The following PTPN14 variants were observed in gnomAD, a reference collection of about 807,000 sequenced individuals.
PTPN14 encodes tyrosine-protein phosphatase non-receptor type 14.
PTPN14 carries 53 observed loss-of-function variants against 126.8 expected under a neutral mutation model. The ratio of observed to expected loss-of-function variants is 0.42; its 90% CI spans 0.34 to 0.53. The LOEUF is 0.53. Among genes scored for constraint, PTPN14 ranks in the 20% least tolerant of loss-of-function variants. The pLI, the probability that PTPN14 is intolerant of heterozygous loss-of-function variation, is 0.08. For missense variants in PTPN14, 1,257 were observed against 1,552.9 expected (o/e 0.81, Z 3.20); for synonymous variants, 630 against 599.3 (o/e 1.05, Z -0.75).
At position 214,357,985 on chromosome 1, in the gene PTPN14, G is replaced by C; in HGVS notation, c.3501C>G (p.Ile1167Met). The change falls in exon 19 of 19, where the codon ATC becomes ATG. Residue 1167 changes from isoleucine to methionine, a missense_variant. Around this residue, in one of 3 missense-constraint regions of PTPN14, gnomAD observed 171 missense variants for 229.8 expected, o/e 0.74. Coordinates refer to ENST00000366956, the MANE Select transcript of PTPN14 (RefSeq NM_005401.5). ...CTTGGTAGACAAACTTGTACTGAGCGATAGTCTGGATCATGAACATCCTCT... is the reference window on the plus strand; with the variant it reads ...CTTGGTAGACAAACTTGTACTGAGCCATAGTCTGGATCATGAACATCCTCT... ...REQRMFMIQT[I>M]AQYKFVYQVL... 8 of 1,613,342 alleles carry C rather than the reference G, an allele frequency of 5.0e-6. No individual in the cohort carries two copies. The highest frequency in any genetic ancestry group is 6.8e-6 in the Non-Finnish European group (8 of 1,179,470).
At chr1:214,523,356 C>T (rs192127731) in intron 1 of PTPN14, among the ~76,000 whole-genome samples, 4 of 152,284 alleles carry the variant, frequency 2.6e-5, no homozygotes, top group Admixed American at 6.5e-5. Flanking sequence ...GGACCACATA[C>T]ACGACAGTAG....
chr1:214,531,055 G>A (rs952784101), intron 1 of PTPN14: 3 of 151,996 alleles, frequency 2.0e-5, no homozygotes, highest in African/African-American at 7.3e-5. Flanking sequence ...GAATTCCAGG[G>A]AGACTCATAT....
chr1:214,463,966 C>G (rs938352619), intron 2 of PTPN14, among the ~76,000 whole-genome samples: 4 of 152,150 alleles, frequency 2.6e-5, no homozygotes, highest in African/African-American at 9.7e-5. Flanking sequence ...CTGTCAAAAA[C>G]AACATACTGC....
chr1:214,515,099 G>A (rs1482461651), intron 1 of PTPN14, among the ~76,000 whole-genome samples: 1 of 152,162 alleles, frequency 6.6e-6, no homozygotes, highest in Non-Finnish European at 1.5e-5. Context: ...AGAGCCCAGG[G>A]AATGGCAGCT....
In PTPN14 at chr1:214,491,282, C is replaced by T. The variant is rs142549674; in HGVS notation, c.-154-26325G>A. On this transcript the variant is annotated intron_variant, in intron 1 of 18. Coordinates refer to ENST00000366956, the MANE Select transcript of PTPN14 (RefSeq NM_005401.5). ...AATGCTGCAATGTAATGTTAGTTCA[C>T]AGGTAAAACTGCTGTGTATGAGCTC... Among the ~76,000 whole-genome samples, 678 of 152,260 alleles carry T rather than the reference C, an allele frequency of 4.5e-3. 4 individuals carry two copies. Among genetic ancestry groups the T allele is most frequent in the African/African-American group, 0.015 (629 of 41,558 alleles).
At chr1:214,411,893 T>C (rs1003339027) in intron 4 of PTPN14, 142 bp from the exon 5 acceptor site, 1 of 496,854 alleles carries the variant, frequency 2.0e-6, no homozygotes, top group East Asian at 3.5e-5. Context: ...TGCCAAGATA[T>C]GTTTGACATA....
intron 1 of PTPN14, chr1:214,533,173 C>CT: frequency 1.3e-6 from 1 of 761,220 alleles, no homozygotes; most frequent in Non-Finnish European, 2.3e-6. Context: ...CCGCTACACC[C>CT]TGCAGATGGA....
chr1:214,459,680 G>A (rs1325696819), intron 2 of PTPN14, among the ~76,000 whole-genome samples: 1 of 151,320 alleles, frequency 6.6e-6, no homozygotes, highest in Non-Finnish European at 1.5e-5. Flanking sequence ...TGTTGGCCAG[G>A]ATGGACTCGA....
chr1:214,515,448 A>G (rs1039301403), intron 1 of PTPN14, among the ~76,000 whole-genome samples: 4 of 152,018 alleles, frequency 2.6e-5, no homozygotes, highest in Non-Finnish European at 4.4e-5. Context: ...CTAAGGGTAT[A>G]TTGTAATTCT....
intron 3 of PTPN14, among the ~76,000 whole-genome samples, chr1:214,431,670 C>A (rs1659800058): frequency 6.6e-6 from 1 of 152,192 alleles, no homozygotes; most frequent in African/African-American, 2.4e-5. Flanking sequence ...TGGAGCTACA[C>A]TGTGTAGGCT....
At chr1:214,539,690 G>A (rs969809324) in intron 1 of PTPN14, among the ~76,000 whole-genome samples, 1 of 152,124 alleles carries the variant, frequency 6.6e-6, no homozygotes, top group Middle Eastern at 3.4e-3. Context: ...GAGTGAGAAA[G>A]GCAATAAAGA....
At chr1:214,385,225 T>C (rs1658579541) in intron 12 of PTPN14, among the ~76,000 whole-genome samples, 3 of 152,154 alleles carry the variant, frequency 2.0e-5, no homozygotes, top group African/African-American at 7.2e-5. Context: ...TCAGAGCTGC[T>C]CTTCCTGACG....
At chr1:214,534,670 G>A (rs1050882871) in intron 1 of PTPN14, among the ~76,000 whole-genome samples, 1 of 150,972 alleles carries the variant, frequency 6.6e-6, no homozygotes, top group Non-Finnish European at 1.5e-5. Flanking sequence ...CCAAGACCGC[G>A]CCACTGCACT....
intron 3 of PTPN14, among the ~76,000 whole-genome samples, chr1:214,443,153 TC>T (rs1660072391): frequency 1.3e-5 from 2 of 152,334 alleles, no homozygotes; most frequent in Non-Finnish European, 2.9e-5. Context: ...CATATCTTTT[TC>T]TTAAGAGCAA....
At chr1:214,477,289 T>C (rs542700929) in intron 1 of PTPN14, among the ~76,000 whole-genome samples, 2 of 152,324 alleles carry the variant, frequency 1.3e-5, no homozygotes, top group South Asian at 4.1e-4. Context: ...TGTTAATTAC[T>C]AACAGGGAAA....
At chr1:214,423,469 CT>C (rs1659590229) in intron 3 of PTPN14, among the ~76,000 whole-genome samples, 1 of 152,212 alleles carries the variant, frequency 6.6e-6, no homozygotes, top group Non-Finnish European at 1.5e-5. Context: ...ATCTCTGTCA[CT>C]GTAACCATGA....
intron 1 of PTPN14, among the ~76,000 whole-genome samples, chr1:214,474,070 C>T (rs1660816672): frequency 6.6e-6 from 1 of 152,190 alleles, no homozygotes; most frequent in African/African-American, 2.4e-5. Context: ...TGTCCTAAAA[C>T]ACATTTTCCA....
chr1:214,545,456 T>C (rs1312519328), intron 1 of PTPN14, among the ~76,000 whole-genome samples: 1 of 152,174 alleles, frequency 6.6e-6, no homozygotes, highest in South Asian at 2.1e-4. Flanking sequence ...AATCCCTTCA[T>C]GAAGGCTCCT....
At chr1:214,417,972 T>C (rs912703466) in intron 3 of PTPN14, among the ~76,000 whole-genome samples, 2 of 152,198 alleles carry the variant, frequency 1.3e-5, no homozygotes, top group African/African-American at 4.8e-5. Flanking sequence ...AGTCACAGGA[T>C]GGTGAAGACA....
Sources: allele counts gnomAD v4.1 joint callset (sites outside exome capture counted in the v4.1 genomes callset), GRCh38; gene constraint gnomAD v4.1.1; regional missense constraint gnomAD v4.1.1; transcripts MANE v1.5; gene names NCBI Gene and HGNC (gene_info 2026-07-23, HGNC 2026-07-21).